Variants in UNC5C observed in about 807,000 individuals in gnomAD.
UNC5C encodes the protein unc-5 netrin receptor C, also known as netrin receptor UNC5C.
In UNC5C, 47 loss-of-function variants were observed where a neutral mutation model predicts 99.8. The observed-to-expected ratio is 0.47, with a 90% CI of 0.37 to 0.60. The LOEUF is 0.60. Among genes scored for constraint, UNC5C ranks in the 20% least tolerant of loss-of-function variants. The probability of loss-of-function intolerance (pLI) is 0.00; values close to 1 mark genes in which losing one functional copy is unlikely to be tolerated. For missense variants in UNC5C, 1,062 were observed against 1,165.9 expected (o/e 0.91, Z 1.30); for synonymous variants, 487 against 452.2 (o/e 1.08, Z -0.98).
chr4:95,352,124 T>C (rs1408440231), intron 1 of UNC5C, among the ~76,000 whole-genome samples: 1 of 152,192 alleles, frequency 6.6e-6, no homozygotes, highest in Non-Finnish European at 1.5e-5. Flanking sequence ...TCCACTCTGC[T>C]GTTTCTTAAA....
At chr4:95,410,971 CA>C (rs1745969672) in intron 1 of UNC5C, among the ~76,000 whole-genome samples, 3 of 152,178 alleles carry the variant, frequency 2.0e-5, no homozygotes, top group Admixed American at 2.0e-4. Flanking sequence ...AGGAAAGGGA[CA>C]AATGCTGCAA....
At chr4:95,283,526 C>T (rs923026589) in intron 3 of UNC5C, among the ~76,000 whole-genome samples, 1 of 152,236 alleles carries the variant, frequency 6.6e-6, no homozygotes, top group Non-Finnish European at 1.5e-5. Context: ...CGCTACTCTG[C>T]GAAGGGAGGG....
At chr4:95,298,330 CAAACA>C (rs1741739274) in intron 3 of UNC5C, among the ~76,000 whole-genome samples, 1 of 152,016 alleles carries the variant, frequency 6.6e-6, no homozygotes, top group African/African-American at 2.4e-5. Flanking sequence ...AACAAACAAA[CAAACA>C]AAACCAAAGA....
intron 1 of UNC5C, among the ~76,000 whole-genome samples, chr4:95,360,236 T>C (rs192059586): frequency 2.0e-5 from 3 of 152,314 alleles, no homozygotes; most frequent in African/African-American, 4.8e-5. Context: ...TATTCTTTCA[T>C]TTGCATTACT....
chr4:95,430,668 T>C (rs1746611302), intron 1 of UNC5C, among the ~76,000 whole-genome samples: 1 of 152,180 alleles, frequency 6.6e-6, no homozygotes, highest in African/African-American at 2.4e-5. Context: ...AAATAAAATA[T>C]ATTCACAAAG....
At chr4:95,399,181 A>G (rs182146312) in intron 1 of UNC5C, among the ~76,000 whole-genome samples, 5 of 152,314 alleles carry the variant, frequency 3.3e-5, no homozygotes, top group Admixed American at 2.0e-4. Context: ...TGCAATCACT[A>G]GTTTTAAAAA....
intron 10 of UNC5C, among the ~76,000 whole-genome samples, chr4:95,209,785 A>G (rs916338117): frequency 6.6e-6 from 1 of 152,194 alleles, no homozygotes; most frequent in African/African-American, 2.4e-5. Flanking sequence ...ATACTATACT[A>G]TCTGCCTTAA....
Position 95,498,640 on chromosome 4 carries a change from C to A in UNC5C, c.124+50094G>T, listed in dbSNP as rs932226169. ...CTACATATTTATAAAATTTTAAAAA[C>A]AGTGAAAAACCCCTTCTGTTTTATC... On this transcript the variant is annotated intron_variant, in intron 1 of 15. Transcript: ENST00000453304. Among the ~76,000 whole-genome samples, 7 of 151,670 alleles carry A rather than the reference C, an allele frequency of 4.6e-5. No homozygotes were observed. In the East Asian group the frequency reaches 1.4e-3, roughly 29 times the overall value.
At chr4:95,547,213 G>GA (rs1267615773) in intron 1 of UNC5C, among the ~76,000 whole-genome samples, 1 of 152,074 alleles carries the variant, frequency 6.6e-6, no homozygotes, top group East Asian at 1.9e-4. Context: ...GAACCTCAGG[G>GA]ATGGGAGGCA....
At chr4:95,217,623 A>C (rs1738297594) in intron 9 of UNC5C, among the ~76,000 whole-genome samples, 1 of 152,240 alleles carries the variant, frequency 6.6e-6, no homozygotes, top group South Asian at 2.1e-4. Context: ...GAAGAATTTA[A>C]AACATGCTAG....
At position 95,320,032 on chromosome 4, in the gene UNC5C, C is replaced by T. The variant is rs17023508; in HGVS notation, c.346+15378G>A. Reference sequence around the variant, plus strand: ...AAAGCTATGCTCTTTTGGAAGCGGACCATCTCTTTTAACCATACATTGTTT... The same window carrying T: ...AAAGCTATGCTCTTTTGGAAGCGGATCATCTCTTTTAACCATACATTGTTT... On this transcript the variant is annotated intron_variant, in intron 2 of 15. Transcript: ENST00000453304. Among the ~76,000 whole-genome samples, 417 of 152,254 alleles carry T rather than the reference C, an allele frequency of 2.7e-3. 1 individual carries two copies. The highest frequency in any genetic ancestry group is 9.6e-3 in the African/African-American group (400 of 41,552).
In UNC5C at chr4:95,382,684, A is replaced by G. The variant is rs78173490; in HGVS notation, c.125-47053T>C. On this transcript the variant is annotated intron_variant, in intron 1 of 15. Transcript: ENST00000453304. ...CAGTATAGAGTCCTCAGGTGGAATA[A>G]TCTACTCTCTGTCTCTGTCCTCTTT... Among the ~76,000 whole-genome samples, 6 of 152,218 alleles carry G rather than the reference A, an allele frequency of 3.9e-5. No individual in the cohort carries two copies. The East Asian group carries it at 1.2e-3, about 29-fold the overall frequency.
chr4:95,393,361 A>G (rs1018971861), intron 1 of UNC5C, among the ~76,000 whole-genome samples: 4 of 152,188 alleles, frequency 2.6e-5, no homozygotes, highest in African/African-American at 9.7e-5. Context: ...ATACTAGTTG[A>G]TGGTGGAACA....
chr4:95,448,202 G>C (rs1747165978), intron 1 of UNC5C, among the ~76,000 whole-genome samples: 3 of 102,036 alleles, frequency 2.9e-5, no homozygotes, highest in South Asian at 7.5e-4. Context: ...GTGTGTCTCT[G>C]TGTGTGTGTG....
intron 1 of UNC5C, among the ~76,000 whole-genome samples, chr4:95,539,891 C>T (rs989918206): frequency 2.6e-5 from 4 of 151,588 alleles, no homozygotes; most frequent in East Asian, 1.9e-4. Context: ...GGAAAACATA[C>T]TTACTGCCAA....
chr4:95,235,069 G>A (rs1304874494), intron 7 of UNC5C, among the ~76,000 whole-genome samples: 1 of 152,028 alleles, frequency 6.6e-6, no homozygotes, highest in Non-Finnish European at 1.5e-5. Context: ...TGTGTTACTG[G>A]CTATAAGTCT....
intron 14 of UNC5C, among the ~76,000 whole-genome samples, chr4:95,171,718 T>A (rs1389407397): frequency 6.6e-6 from 1 of 151,732 alleles, no homozygotes; most frequent in Non-Finnish European, 1.5e-5. Context: ...TGTGTCTTTA[T>A]AGCAGCATGA....
chr4:95,200,038 A>G (rs1737593981), intron 12 of UNC5C, among the ~76,000 whole-genome samples: 1 of 152,170 alleles, frequency 6.6e-6, no homozygotes, highest in East Asian at 1.9e-4. Flanking sequence ...CTTCCCCAAG[A>G]CCATGCTGGT....
Position 95,351,810 on chromosome 4 carries a change from T to C in UNC5C, c.125-16179A>G, listed in dbSNP as rs376792327. Among the ~76,000 whole-genome samples the C allele has an allele frequency of 2.9e-3, 447 of 152,306 alleles. 2 individuals carry two copies. The highest frequency in any genetic ancestry group is 0.01 in the African/African-American group (425 of 41,586). On this transcript the variant is annotated intron_variant, in intron 1 of 15. Transcript: ENST00000453304. ...ACTGAATAATTCAAGTTGACTCTAA[T>C]ACGTGTTGTGAATGAGAAATAAGAT...
Sources: gnomAD v4.1 joint callset for allele counts (sites outside exome capture counted in the v4.1 genomes callset) on GRCh38, gnomAD v4.1.1 for gene constraint, MANE v1.5 for transcripts, NCBI Gene and HGNC (gene_info 2026-07-23, HGNC 2026-07-21) for gene names.